Variants in PHACTR1 observed in about 807,000 individuals in gnomAD.
PHACTR1 encodes the protein phosphatase and actin regulator 1.
In PHACTR1, 16 loss-of-function variants were observed where a neutral mutation model predicts 69.2. The ratio of observed to expected loss-of-function variants is 0.23; its 90% confidence interval spans 0.16 to 0.35. The LOEUF (loss-of-function observed/expected upper bound fraction) is 0.35. Among genes scored for constraint, PHACTR1 ranks in the 10% least tolerant of loss-of-function variants. The pLI is 1.00. For missense variants in PHACTR1, 510 were observed against 734.7 expected (o/e 0.69, Z 3.54); for synonymous variants, 312 against 284.5 (o/e 1.10, Z -0.97).
rs780183389 is a variant in PHACTR1 at position 12,933,626 on chromosome 6, T to C, written c.251-119739T>C. On this transcript the variant is annotated intron_variant, in intron 4 of 14. Coordinates refer to ENST00000332995, the MANE Select transcript of PHACTR1 (RefSeq NM_030948.6). ...CCTTAATGTCTTCATGTTTCCACAATGTCCAGGCGTTTCCCTTTTTGGGGA... is the reference window on the plus strand; with the variant it reads ...CCTTAATGTCTTCATGTTTCCACAACGTCCAGGCGTTTCCCTTTTTGGGGA... 26 of 1,612,130 alleles carry C rather than the reference T, an allele frequency of 1.6e-5. No individual in the cohort carries two copies. The South Asian group carries it at 2.6e-4, about 16-fold the overall frequency.
At chr6:13,258,549 G>T (rs1368999567) in intron 10 of PHACTR1, among the ~76,000 whole-genome samples, 1 of 152,190 alleles carries the variant, frequency 6.6e-6, no homozygotes, top group African/African-American at 2.4e-5. Flanking sequence ...AAGAGGACCA[G>T]CAATGGGCTT....
At chr6:12,849,788 A>G (rs909874290) in intron 4 of PHACTR1, among the ~76,000 whole-genome samples, 1 of 152,204 alleles carries the variant, frequency 6.6e-6, no homozygotes, top group African/African-American at 2.4e-5. Context: ...CAGAATTCCT[A>G]GGAATCTTTG....
At chr6:12,810,566 G>A (rs981885869) in intron 4 of PHACTR1, among the ~76,000 whole-genome samples, 1 of 152,106 alleles carries the variant, frequency 6.6e-6, no homozygotes, top group Non-Finnish European at 1.5e-5. Context: ...TCCATACCTG[G>A]GAGGTCTCAG....
chr6:12,751,323 T>C (rs1446093881), intron 4 of PHACTR1, among the ~76,000 whole-genome samples: 1 of 152,254 alleles, frequency 6.6e-6, no homozygotes, highest in Non-Finnish European at 1.5e-5. Flanking sequence ...CATGCTGTAG[T>C]AGTCCATGGT....
At chr6:13,053,613 C>G (rs773759745) in intron 5 of PHACTR1, 84 bp downstream of exon 5, 33 of 1,447,582 alleles carry the variant, frequency 2.3e-5, no homozygotes, top group Non-Finnish European at 3.0e-5. Flanking sequence ...TTGCAATAGG[C>G]TGTTTGAACC....
At chr6:13,238,422 CTTA>C (rs1020928522) in intron 10 of PHACTR1, among the ~76,000 whole-genome samples, 2 of 152,136 alleles carry the variant, frequency 1.3e-5, no homozygotes, top group African/African-American at 4.8e-5. Context: ...GTTACTCTGT[CTTA>C]TTTAGAATTT....
At position 13,179,405 on chromosome 6, in the gene PHACTR1, C is replaced by CGTGTGTGTGTGTGTGTGTGTGTGT. The variant is rs4053019; in HGVS notation, c.497-3097_497-3074dup. Among the ~76,000 whole-genome samples the CGTGTGTGTGTGTGTGTGTGTGTGT allele has an allele frequency of 1.4e-5, 2 of 141,956 alleles. No individual in the cohort carries two copies. The highest frequency in any genetic ancestry group is 2.7e-5 in the African/African-American group (1 of 37,538). The allele number at this position is 141,956 out of a possible 152,430, so 93.1% of individuals were successfully genotyped here. ...TATACAGCCCATTACATTAATGTTTCGTGTGTGTGTGTGTGTGTGTGTGTG... is the reference window on the plus strand; with the variant it reads ...TATACAGCCCATTACATTAATGTTTCGTGTGTGTGTGTGTGTGTGTGTGTGTGTGTGTGTGTGTGTGTGTGTGTG... On this transcript the variant is annotated intron_variant, in intron 6 of 14. Coordinates refer to ENST00000332995, the MANE Select transcript of PHACTR1 (RefSeq NM_030948.6). The surrounding 1 kb of genome is among the most constrained non-coding windows in gnomAD (Gnocchi z 4.2).
chr6:12,755,027 G>A (rs796569400), intron 4 of PHACTR1, among the ~76,000 whole-genome samples: 4 of 152,220 alleles, frequency 2.6e-5, no homozygotes, highest in African/African-American at 9.6e-5. Flanking sequence ...TGAGTAAATG[G>A]GAAGCACTTT....
At position 12,803,711 on chromosome 6, in the gene PHACTR1, C is replaced by T. The variant is rs147872261; in HGVS notation, c.250+53921C>T. ...ACTTTGGCACTATTGACATTTTGGG[C>T]GGGATAATTATTTGGTGAAGGAGTG... On this transcript the variant is annotated intron_variant, in intron 4 of 14. Transcript: ENST00000332995. 4.7e-3 allele frequency among the ~76,000 whole-genome samples: 714 copies of T among 152,206 alleles called. 1 individual carries two copies. The highest frequency in any genetic ancestry group is 0.014 in the Middle Eastern group (4 of 294).
chr6:13,057,183 T>G (rs557009584), intron 5 of PHACTR1, among the ~76,000 whole-genome samples: 1 of 152,208 alleles, frequency 6.6e-6, no homozygotes, highest in Non-Finnish European at 1.5e-5. Context: ...TTTGAGATGA[T>G]GGATATTCCC....
chr6:13,218,811 A>AGGAGAAGGAGGAGGAGAAGAAGAAGG (rs1562013092), intron 8 of PHACTR1, among the ~76,000 whole-genome samples: 2 of 149,196 alleles, frequency 1.3e-5, no homozygotes, highest in South Asian at 4.3e-4. Context: ...GAAGAAGAAG[A>AGGAGAAGGAGGAGGAGAAGAAGAAGG]AGGAGGAGGA....
intron 3 of PHACTR1, among the ~76,000 whole-genome samples, chr6:12,723,834 G>A (rs1762443494): frequency 6.6e-6 from 1 of 152,066 alleles, no homozygotes; most frequent in Non-Finnish European, 1.5e-5. Flanking sequence ...AGAATCTCTG[G>A]GGATAAGCCC....
In PHACTR1 at chr6:12,975,325, G is replaced by A. The variant is rs147164906; in HGVS notation, c.251-78040G>A. 3.1e-3 allele frequency among the ~76,000 whole-genome samples: 469 copies of A among 152,290 alleles called. 2 individuals carry two copies. Among genetic ancestry groups the A allele is most frequent in the African/African-American group, 0.01 (423 of 41,560 alleles). On this transcript the variant is annotated intron_variant, in intron 4 of 14. Coordinates refer to ENST00000332995, the MANE Select transcript of PHACTR1 (RefSeq NM_030948.6). ...ATTTGCAGCTACACGTTAAAGAAGAGCTCACTAAGATCCTGACCAGAGTGG... is the reference window on the plus strand; with the variant it reads ...ATTTGCAGCTACACGTTAAAGAAGAACTCACTAAGATCCTGACCAGAGTGG...
intron 4 of PHACTR1, among the ~76,000 whole-genome samples, chr6:13,018,333 G>A (rs907101367): frequency 7.9e-5 from 12 of 152,274 alleles, no homozygotes; most frequent in African/African-American, 2.6e-4. Context: ...TTCAATTGGG[G>A]TTCACAGCTG....
chr6:13,088,608 C>G (rs1327342934), intron 5 of PHACTR1, among the ~76,000 whole-genome samples: 2 of 152,118 alleles, frequency 1.3e-5, no homozygotes, highest in African/African-American at 4.8e-5. Flanking sequence ...AAATTTGCTC[C>G]CAACAGCTGC....
chr6:12,875,757 C>G (rs1179964727), intron 4 of PHACTR1, among the ~76,000 whole-genome samples: 2 of 152,166 alleles, frequency 1.3e-5, no homozygotes, highest in African/African-American at 4.8e-5. Flanking sequence ...GCTAGATAAA[C>G]CTGGCTTGTG....
At chr6:13,286,986 G>A in intron 14 of PHACTR1, 77 bp from the exon 15 acceptor site, 1 of 1,501,832 alleles carries the variant, frequency 6.7e-7, no homozygotes, top group Admixed American at 1.9e-5. Context: ...GAACCTCCCT[G>A]AAGATGGGAG....
intron 8 of PHACTR1, among the ~76,000 whole-genome samples, chr6:13,219,749 T>G (rs1768304853): frequency 2.0e-5 from 3 of 152,220 alleles, no homozygotes; most frequent in Non-Finnish European, 2.9e-5. Context: ...AGTAGCTGGA[T>G]TGTGTGAACA....
At chr6:12,739,515 C>A (rs1196736684) in intron 3 of PHACTR1, among the ~76,000 whole-genome samples, 2 of 151,960 alleles carry the variant, frequency 1.3e-5, no homozygotes, top group Non-Finnish European at 2.9e-5. Context: ...TCTTAATAAG[C>A]TAGAAGCTTT....
Sources: allele counts gnomAD v4.1 joint callset (sites outside exome capture counted in the v4.1 genomes callset), GRCh38; gene constraint gnomAD v4.1.1; non-coding constraint Gnocchi (gnomAD v3.1); transcripts MANE v1.5; gene names NCBI Gene and HGNC (gene_info 2026-07-23, HGNC 2026-07-21).